NR1H4: variants seen among roughly 807,000 people sequenced by gnomAD.
NR1H4 encodes the protein bile acid receptor.
NR1H4 carries 23 observed loss-of-function variants against 58.5 expected under a neutral mutation model. That is an observed-to-expected ratio of 0.39 (90% CI 0.28 to 0.56). NR1H4 has a LOEUF of 0.56. Among genes scored for constraint, NR1H4 ranks in the 20% least tolerant of loss-of-function variants. The pLI, the probability that NR1H4 is intolerant of heterozygous loss-of-function variation, is 0.58. For synonymous variants in NR1H4, 214 were observed against 198.0 expected, an observed-to-expected ratio of 1.08 and a Z score of -0.68; for missense variants, 487 against 576.9, an observed-to-expected ratio of 0.84 and a Z score of 1.60.
chr12:100,534,743 C>T (rs1468403126), intron 5 of NR1H4, 147 bp from the exon 6 acceptor site: 5 of 876,372 alleles, frequency 5.7e-6, no homozygotes, highest in Non-Finnish European at 9.1e-6. Flanking sequence ...CTTGGCCTTC[C>T]CTTTCTAAAA....
rs946703384 is a variant in NR1H4, at chr12:100,563,509, G to T, written c.*20G>T. 2 of 1,568,024 alleles carry T rather than the reference G, an allele frequency of 1.3e-6. No homozygotes were observed. Among genetic ancestry groups the T allele is most frequent in the Non-Finnish European group, 8.8e-7 (1 of 1,137,896 alleles). ...CAGTGATGGGGATTACAGGGGAGGG[G>T]TCTAGCTCCTTTTTCTCTCTCATAT... On this transcript the variant is annotated 3_prime_UTR_variant, in exon 11 of 11. Transcript: ENST00000392986.
At chr12:100,538,757 C>G (rs1467611904) in intron 8 of NR1H4, among the ~76,000 whole-genome samples, 1 of 152,096 alleles carries the variant, frequency 6.6e-6, no homozygotes, top group East Asian at 1.9e-4. Context: ...CAGCATTATG[C>G]TATTATTTTA....
intron 9 of NR1H4, among the ~76,000 whole-genome samples, chr12:100,548,014 C>T (rs1423627577): frequency 1.3e-5 from 2 of 150,974 alleles, no homozygotes; most frequent in African/African-American, 2.4e-5. Context: ...GCCACCGCAC[C>T]CGGCCCTGTT....
intron 9 of NR1H4, among the ~76,000 whole-genome samples, chr12:100,550,440 C>A (rs1398236185): frequency 3.9e-5 from 6 of 152,178 alleles, no homozygotes; most frequent in Non-Finnish European, 7.4e-5. Context: ...TCTGGGCTTA[C>A]TGCAACCTCC....
At chr12:100,499,370 T>G (rs1034462312) in intron 3 of NR1H4, among the ~76,000 whole-genome samples, 1 of 152,264 alleles carries the variant, frequency 6.6e-6, no homozygotes, top group African/African-American at 2.4e-5. Flanking sequence ...TGAAATATTT[T>G]GTCACTGCTA....
intron 9 of NR1H4, among the ~76,000 whole-genome samples, chr12:100,541,087 T>C (rs1158972668): frequency 6.6e-6 from 1 of 152,150 alleles, no homozygotes; most frequent in Non-Finnish European, 1.5e-5. Flanking sequence ...GATTGGAAAA[T>C]TCATCTGATT....
intron 4 of NR1H4, among the ~76,000 whole-genome samples, chr12:100,524,597 CT>C (rs1167558414): frequency 1.3e-5 from 2 of 152,148 alleles, no homozygotes; most frequent in African/African-American, 4.8e-5. Flanking sequence ...CTTTCTACTC[CT>C]TTAGCCTCCT....
intron 3 of NR1H4, among the ~76,000 whole-genome samples, chr12:100,500,392 A>G (rs1268602643): frequency 6.6e-6 from 1 of 152,196 alleles, no homozygotes; most frequent in Non-Finnish European, 1.5e-5. Flanking sequence ...TACTCTGCCG[A>G]ACAGTGCCAT....
At position 100,563,480 on chromosome 12, in the gene NR1H4, C is replaced by G; in HGVS notation, c.1422C>G (p.Asp474Glu). 1 of 1,612,912 alleles carries G rather than the reference C, an allele frequency of 6.2e-7. No individual in the cohort carries two copies. Among genetic ancestry groups the G allele is most frequent in the Non-Finnish European group, 8.5e-7 (1 of 1,178,910 alleles). Residue 474 changes from aspartate (D) to glutamate (E), a missense_variant, in exon 11 of 11, where the codon GAC (aspartate) becomes GAG (glutamate). Asp to Glu is a conservative substitution (Grantham distance 45, BLOSUM62 2). Coordinates refer to ENST00000392986, the MANE Select transcript of NR1H4 (RefSeq NM_001206979.2). ...CCCCACTTCTCTGTGAAATCTGGGA[C>G]GTGCAGTGATGGGGATTACAGGGGA... ...KFTPLLCEIW[D>E]VQ
At chr12:100,500,120 A>G (rs756224633) in intron 3 of NR1H4, 8 of 355,940 alleles carry the variant, frequency 2.2e-5, no homozygotes, top group Non-Finnish European at 3.3e-5. Flanking sequence ...TAAGTAGGCA[A>G]CTGAAATATA....
rs150932104 is a variant in NR1H4, at chr12:100,533,409, A to G, written c.598+799A>G. ...GCCTTCAGAAGGTGACTCCAGTTCT[A>G]TTGTTACCAAACTGTACGGGCAACT... On this transcript the variant is annotated intron_variant, in intron 5 of 10. Transcript: ENST00000392986. Among the ~76,000 whole-genome samples, 245 of 152,324 alleles carry G rather than the reference A, an allele frequency of 1.6e-3. No individual in the cohort carries two copies. In the South Asian group the frequency reaches 0.016, roughly 10 times the overall value.
chr12:100,513,023 C>T (rs768632131), intron 4 of NR1H4, among the ~76,000 whole-genome samples: 2 of 152,140 alleles, frequency 1.3e-5, no homozygotes. Flanking sequence ...AGCATTTGTA[C>T]ACCAACTTTA....
intron 1 of NR1H4, among the ~76,000 whole-genome samples, chr12:100,482,292 T>C (rs1953398846): frequency 6.6e-6 from 1 of 151,758 alleles, no homozygotes; most frequent in South Asian, 2.1e-4. Flanking sequence ...TAGATTTCTT[T>C]ATGTGACAAA....
Position 100,563,274 on chromosome 12 carries a change from G to C in NR1H4, c.1216G>C (p.Glu406Gln). 1 of 1,613,556 alleles carries C rather than the reference G, an allele frequency of 6.2e-7. No homozygotes were observed. Among genetic ancestry groups the C allele is most frequent in the African/African-American group, 1.3e-5 (1 of 75,028 alleles). ...SPDRQYIKDR[E>Q]AVEKLQEPLL... ...AGATAGACAATACATAAAGGATAGA[G>C]AGGCAGTAGAGAAGCTTCAGGAGCC... The change falls in exon 11 of 11, where the codon GAG (glutamate) becomes CAG (glutamine). Residue 406 changes from glutamate to glutamine, a missense_variant. By Grantham distance (29) the Glu-to-Gln change is conservative (BLOSUM62 2). Transcript: ENST00000392986.
rs535382829 is a variant in NR1H4, at chr12:100,478,406, G to A, written c.-190+4347G>A. On this transcript the variant is annotated intron_variant, in intron 1 of 10. Transcript: ENST00000392986. ...ATGAAGCAAACCCTTCTTTTCTGGAGAATCTAAATATACCTGCTTATAGCA... is the reference window on the plus strand; with the variant it reads ...ATGAAGCAAACCCTTCTTTTCTGGAAAATCTAAATATACCTGCTTATAGCA... Among the ~76,000 whole-genome samples, 59 of 152,218 alleles carry A rather than the reference G, an allele frequency of 3.9e-4. 1 individual carries two copies. The South Asian group carries it at 0.012, about 30-fold the overall frequency.
chr12:100,550,380 T>C (rs1955177475), intron 9 of NR1H4, among the ~76,000 whole-genome samples: 1 of 152,168 alleles, frequency 6.6e-6, no homozygotes, highest in East Asian at 1.9e-4. Context: ...TTGATTTTTT[T>C]TGAGACAAAG....
chr12:100,519,929 A>T (rs541852904), intron 4 of NR1H4, among the ~76,000 whole-genome samples: 1 of 152,346 alleles, frequency 6.6e-6, no homozygotes, highest in Non-Finnish European at 1.5e-5. Flanking sequence ...TGAAAAGCCA[A>T]AAACAGGCTC....
intron 10 of NR1H4, among the ~76,000 whole-genome samples, chr12:100,562,278 T>C (rs938927729): frequency 6.6e-6 from 1 of 152,216 alleles, no homozygotes; most frequent in Non-Finnish European, 1.5e-5. Context: ...ACAGCTCCCA[T>C]GCAGCTTGCA....
chr12:100,484,031 A>T (rs1223517641), intron 1 of NR1H4, among the ~76,000 whole-genome samples: 3 of 151,948 alleles, frequency 2.0e-5, no homozygotes, highest in African/African-American at 7.3e-5. Flanking sequence ...CTTTGGGCAG[A>T]ATCTAAGGCT....
Sources: allele counts gnomAD v4.1 joint callset (sites outside exome capture counted in the v4.1 genomes callset), GRCh38; gene constraint gnomAD v4.1.1; transcripts MANE v1.5; gene names NCBI Gene and HGNC (gene_info 2026-07-23, HGNC 2026-07-21).